DOCK8: variants seen among roughly 807,000 people sequenced by gnomAD.
DOCK8 encodes the protein dedicator of cytokinesis protein 8.
Under a neutral mutation model 245.6 loss-of-function variants are expected in DOCK8, and 141 were observed. The observed-to-expected ratio is 0.57, with a 90% confidence interval of 0.50 to 0.66. The LOEUF is 0.66. Among genes scored for constraint, DOCK8 ranks in the 30% least tolerant of loss-of-function variants. DOCK8 has a pLI of 0.00. For synonymous variants in DOCK8, 1,168 were observed against 970.2 expected, an observed-to-expected ratio of 1.20 and a Z score of -3.79; for missense variants, 2,965 against 2,603.4, an observed-to-expected ratio of 1.14 and a Z score of -3.02.
chr9:282,687 T>C (rs979646004), intron 2 of DOCK8, among the ~76,000 whole-genome samples: 6 of 152,150 alleles, frequency 3.9e-5, no homozygotes, highest in African/African-American at 1.2e-4. Context: ...CCTCCCGAAG[T>C]GCTGGGACTG....
In DOCK8 at chr9:340,229, C is replaced by T. The variant is rs146289269; in HGVS notation, c.1587C>T (p.Pro529=). 3.0e-5 allele frequency: 49 copies of T among 1,614,102 alleles called. No individual in the cohort carries two copies. Among genetic ancestry groups the T allele is most frequent in the South Asian group, 1.1e-4 (10 of 91,074 alleles). Residue 529 remains proline, a synonymous_variant, in exon 14 of 48, where the codon CCC becomes CCT. Coordinates refer to ENST00000432829, the MANE Select transcript of DOCK8 (RefSeq NM_203447.4). ...GCTGTCTGACTCCTGAAATGCTGCC[C>T]GTGAAACCCTTTCCTGAAAACCGGA... ...INCCLTPEML[P]VKPFPENRTR...
intron 2 of DOCK8, among the ~76,000 whole-genome samples, chr9:286,217 A>C (rs1301660931): frequency 1.3e-5 from 2 of 152,192 alleles, no homozygotes; most frequent in South Asian, 4.1e-4. Context: ...TAAGGAGAGA[A>C]AAATTCCGCC....
chr9:422,704 C>G (rs1009948472), intron 33 of DOCK8, among the ~76,000 whole-genome samples: 1 of 152,128 alleles, frequency 6.6e-6, no homozygotes, highest in Non-Finnish European at 1.5e-5. Context: ...ACTTGGTTTT[C>G]TAGTAGTGTG....
At chr9:412,009 T>C (rs1235570918) in intron 28 of DOCK8, among the ~76,000 whole-genome samples, 1 of 152,218 alleles carries the variant, frequency 6.6e-6, no homozygotes, top group Non-Finnish European at 1.5e-5. Flanking sequence ...AACAGTGCTT[T>C]ATCCCTAAGA....
intron 2 of DOCK8, among the ~76,000 whole-genome samples, chr9:278,114 A>G (rs2048429823): frequency 1.3e-5 from 2 of 152,266 alleles, no homozygotes; most frequent in Admixed American, 1.3e-4. Flanking sequence ...ACAATGGAAG[A>G]TAAAAGGAAA....
intron 37 of DOCK8, among the ~76,000 whole-genome samples, chr9:433,359 A>C (rs992143043): frequency 1.3e-5 from 2 of 152,304 alleles, no homozygotes; most frequent in South Asian, 4.1e-4. Flanking sequence ...AGATCAAGCC[A>C]TAGTCTCTCC....
chr9:218,027 G>A (rs2046800106), intron 1 of DOCK8, among the ~76,000 whole-genome samples: 1 of 152,170 alleles, frequency 6.6e-6, no homozygotes, highest in East Asian at 1.9e-4. Flanking sequence ...CATTGGCAAA[G>A]TGTTCTGTTT....
At chr9:399,856 G>T (rs1281500901) in intron 26 of DOCK8, among the ~76,000 whole-genome samples, 1 of 151,762 alleles carries the variant, frequency 6.6e-6, no homozygotes, top group Non-Finnish European at 1.5e-5. Flanking sequence ...AGCAGTTATT[G>T]TTGCTGCTCC....
At chr9:423,433 C>G (rs916585360) in intron 33 of DOCK8, among the ~76,000 whole-genome samples, 1 of 152,136 alleles carries the variant, frequency 6.6e-6, no homozygotes, top group Admixed American at 6.5e-5. Context: ...ACACAGTTGA[C>G]AAGGTAGGAT....
chr9:420,649 T>C, intron 31 of DOCK8, 66 bp downstream of exon 31: 1 of 1,596,716 alleles, frequency 6.3e-7, no homozygotes, highest in South Asian at 1.1e-5. Context: ...GTCTTCTTAC[T>C]CATCCCCTTT....
At chr9:213,944 T>A (rs555792032), upstream of DOCK8, 3 of 152,492 alleles carry the variant, frequency 2.0e-5, no homozygotes, top group African/African-American at 7.3e-5. Context: ...GCCAGGATGG[T>A]CTCGATCTCC....
intron 1 of DOCK8, among the ~76,000 whole-genome samples, chr9:264,765 A>G (rs1211685122): frequency 6.6e-6 from 1 of 152,164 alleles, no homozygotes; most frequent in Admixed American, 6.5e-5. Context: ...TCTCAGAAAA[A>G]GCCTTAGATT....
chr9:305,370 C>T (rs561145163), intron 5 of DOCK8, among the ~76,000 whole-genome samples: 5 of 151,986 alleles, frequency 3.3e-5, no homozygotes, highest in East Asian at 1.9e-4. Flanking sequence ...GCAAGCTCCG[C>T]CTCCCGGGTT....
At chr9:390,326 A>G in intron 23 of DOCK8, 145 bp from the exon 24 acceptor site, 4 of 762,556 alleles carry the variant, frequency 5.2e-6, no homozygotes, top group Non-Finnish European at 9.0e-6. Context: ...TTTGCCATCC[A>G]CCACTTACTG....
intron 4 of DOCK8, among the ~76,000 whole-genome samples, chr9:302,212 G>A (rs1277720286): frequency 6.6e-6 from 1 of 152,190 alleles, no homozygotes; most frequent in Non-Finnish European, 1.5e-5. Context: ...ACAGCCATCT[G>A]ATCTTTGACG....
rs547723778 is a variant in DOCK8 at position 255,499 on chromosome 9, C to G, written c.54-16128C>G. The stretch of plus-strand genomic sequence containing the variant: ...CCTGGCCAACATGGTGAAACCCCAT[C>G]TCTACTAAAAATACAAAAATTAGCC... On this transcript the variant is annotated intron_variant, in intron 1 of 47. Coordinates refer to ENST00000432829, the MANE Select transcript of DOCK8 (RefSeq NM_203447.4). Among the ~76,000 whole-genome samples the G allele has an allele frequency of 1.4e-4, 22 of 152,136 alleles. No homozygotes were observed. In the South Asian group the frequency reaches 4.6e-3, roughly 32 times the overall value.
chr9:263,137 G>T (rs1374256973), intron 1 of DOCK8, among the ~76,000 whole-genome samples: 2 of 151,978 alleles, frequency 1.3e-5, no homozygotes, highest in East Asian at 1.9e-4. Context: ...AACTGGGGAG[G>T]CAGAGGTTGC....
At chr9:336,831 C>A in intron 12 of DOCK8, 113 bp downstream of exon 12, 1 of 1,266,858 alleles carries the variant, frequency 7.9e-7, no homozygotes, top group Non-Finnish European at 1.1e-6. Context: ...TAAGCTCACT[C>A]TCTTAGTTCA....
chr9:432,044 T>C (rs2056731923), intron 36 of DOCK8, 122 bp from the exon 37 acceptor site: 1 of 990,686 alleles, frequency 1.0e-6, no homozygotes, highest in Non-Finnish European at 1.5e-6. Flanking sequence ...GAAGAGGAAA[T>C]AATTAAGACG....
Sources: allele counts gnomAD v4.1 joint callset (sites outside exome capture counted in the v4.1 genomes callset), GRCh38; gene constraint gnomAD v4.1.1; transcripts MANE v1.5; gene names NCBI Gene and HGNC (gene_info 2026-07-23, HGNC 2026-07-21).